The following SORCS2 variants were observed in gnomAD, a reference collection of about 807,000 sequenced individuals.
SORCS2 encodes the protein VPS10 domain-containing receptor SorCS2.
Under a neutral mutation model 141.6 loss-of-function variants are expected in SORCS2, and 100 were observed. The observed-to-expected ratio is 0.71, with a 90% confidence interval of 0.60 to 0.83. SORCS2 has a LOEUF of 0.83. SORCS2 is among the 40% of genes least tolerant of loss of function. The pLI is 0.00. For missense variants in SORCS2, 1,646 were observed against 1,560.2 expected (o/e 1.05, Z -0.93); for synonymous variants, 789 against 676.9 (o/e 1.17, Z -2.57).
chr4:7,501,838 T>C (rs1055360461), intron 2 of SORCS2, among the ~76,000 whole-genome samples: 1 of 152,226 alleles, frequency 6.6e-6, no homozygotes, highest in African/African-American at 2.4e-5. Flanking sequence ...GGATTAGTGA[T>C]TTTCTTAATT....
intron 1 of SORCS2, among the ~76,000 whole-genome samples, chr4:7,249,794 G>A (rs768459608): frequency 5.9e-5 from 9 of 152,100 alleles, no homozygotes; most frequent in Non-Finnish European, 1.0e-4. Flanking sequence ...CAGTATAGAC[G>A]ACAAGAAAAA....
intron 5 of SORCS2, among the ~76,000 whole-genome samples, chr4:7,660,578 G>C (rs183173288): frequency 6.6e-6 from 1 of 152,226 alleles, no homozygotes; most frequent in Non-Finnish European, 1.5e-5. Context: ...GTTGTGAGCA[G>C]GGCAGTGTGT....
At chr4:7,280,779 A>G (rs17755381) in intron 1 of SORCS2, among the ~76,000 whole-genome samples, 38,118 of 152,134 alleles carry the variant, frequency 0.25, 5,023 homozygotes, top group African/African-American at 0.28. Context: ...ACTGCATACG[A>G]TGATTGTAGC....
intron 2 of SORCS2, among the ~76,000 whole-genome samples, chr4:7,465,394 C>T (rs770236447): frequency 5.3e-5 from 8 of 152,124 alleles, no homozygotes; most frequent in Non-Finnish European, 1.0e-4. Flanking sequence ...ATCCAAGCTG[C>T]TGTGGGAGCT....
chr4:7,401,837 T>A (rs912883235), intron 2 of SORCS2, among the ~76,000 whole-genome samples: 3 of 150,970 alleles, frequency 2.0e-5, no homozygotes, highest in African/African-American at 7.3e-5. Flanking sequence ...TTCTCTAGAA[T>A]GACTTGGTTG....
intron 2 of SORCS2, among the ~76,000 whole-genome samples, chr4:7,519,186 T>G (rs1733171168): frequency 6.6e-6 from 1 of 152,196 alleles, no homozygotes; most frequent in South Asian, 2.1e-4. Flanking sequence ...GCTCTGCCTG[T>G]GCCGGGAGCA....
At chr4:7,583,947 A>G (rs1297102712) in intron 3 of SORCS2, among the ~76,000 whole-genome samples, 2 of 152,194 alleles carry the variant, frequency 1.3e-5, no homozygotes, top group African/African-American at 4.8e-5. Flanking sequence ...TACGTCTTAT[A>G]TGCAGCCTTT....
intron 3 of SORCS2, among the ~76,000 whole-genome samples, chr4:7,552,753 G>C (rs554765619): frequency 5.9e-5 from 9 of 152,046 alleles, no homozygotes; most frequent in Non-Finnish European, 1.2e-4. Context: ...CCACCTTCCT[G>C]CCTCTCCACT....
chr4:7,641,998 GATGGATGGATGGGTGGATGGAGATGA>G (rs1046335928), intron 4 of SORCS2, among the ~76,000 whole-genome samples: 1 of 151,822 alleles, frequency 6.6e-6, no homozygotes, highest in African/African-American at 2.4e-5. Context: ...TGAATGGGTA[GATGGATGGATGGGTGGATGGAGATGA>G]ATGGATGGAT....
chr4:7,373,477 T>TATATATA lies in SORCS2; in HGVS notation c.481-22809_481-22808insATATAAT, dbSNP rs1399174075. 2.2e-3 allele frequency among the ~76,000 whole-genome samples: 144 copies of TATATATA among 66,492 alleles called. 6 individuals carry two copies. Among genetic ancestry groups the TATATATA allele is most frequent in the African/African-American group, 0.012 (136 of 11,686 alleles). 43.6% of individuals were successfully genotyped at this position (66,492 alleles called of 152,430 possible). A position where few individuals can be genotyped will look rare whatever the true frequency, so the allele number is the denominator to read the frequency against. ...AAACTTTTATATATATATATATATA[T>TATATATA]ATTTTTTTTTTTTTTTTTTTTTTTT... On this transcript the variant is annotated intron_variant, in intron 1 of 26. Coordinates refer to ENST00000507866, the MANE Select transcript of SORCS2 (RefSeq NM_020777.3).
intron 1 of SORCS2, among the ~76,000 whole-genome samples, chr4:7,349,951 G>A (rs1001321252): frequency 1.3e-5 from 2 of 152,114 alleles, no homozygotes; most frequent in African/African-American, 4.8e-5. Context: ...TCCCACCACT[G>A]GACAATTTCA....
chr4:7,452,017 C>T (rs1728493167), intron 2 of SORCS2, among the ~76,000 whole-genome samples: 1 of 152,176 alleles, frequency 6.6e-6, no homozygotes, highest in South Asian at 2.1e-4. Context: ...TGCCTTCTCT[C>T]CCCAGCTGCC....
intron 1 of SORCS2, among the ~76,000 whole-genome samples, chr4:7,357,730 C>T (rs191057172): frequency 1.2e-4 from 18 of 152,238 alleles, no homozygotes; most frequent in African/African-American, 3.9e-4. Flanking sequence ...GCCTGCCATA[C>T]ACTCACCCAC....
intron 2 of SORCS2, among the ~76,000 whole-genome samples, chr4:7,409,933 A>C (rs1279633801): frequency 6.6e-6 from 1 of 152,136 alleles, no homozygotes; most frequent in East Asian, 1.9e-4. Context: ...CTGTCTTTTA[A>C]TGTATAGAAT....
chr4:7,518,687 G>A (rs28615329), intron 2 of SORCS2, among the ~76,000 whole-genome samples: 3 of 151,898 alleles, frequency 2.0e-5, no homozygotes, highest in East Asian at 1.9e-4. Flanking sequence ...GGAGGTGCTC[G>A]TGTGTCCTTC....
rs144992140 is a variant in SORCS2, at chr4:7,480,009, T to G, written c.549-51521T>G. On this transcript the variant is annotated intron_variant, in intron 2 of 26. Coordinates refer to ENST00000507866, the MANE Select transcript of SORCS2 (RefSeq NM_020777.3). Reference sequence around the variant, plus strand: ...CTGCTGGGAGAAGCTCAGGGTCTGCTTAGGCACCTGCCAGCCTCGCCATGT... The same window carrying G: ...CTGCTGGGAGAAGCTCAGGGTCTGCGTAGGCACCTGCCAGCCTCGCCATGT... 5.9e-3 allele frequency among the ~76,000 whole-genome samples: 893 copies of G among 152,370 alleles called. 15 individuals carry two copies. The highest frequency in any genetic ancestry group is 0.02 in the African/African-American group (833 of 41,588).
At chr4:7,386,097 GCA>G (rs761301152) in intron 1 of SORCS2, among the ~76,000 whole-genome samples, 2 of 151,686 alleles carry the variant, frequency 1.3e-5, no homozygotes, top group East Asian at 1.9e-4. Flanking sequence ...ATGCACACAT[GCA>G]CACACACATG....
At chr4:7,280,862 C>T (rs368964461) in intron 1 of SORCS2, among the ~76,000 whole-genome samples, 2 of 152,168 alleles carry the variant, frequency 1.3e-5, no homozygotes, top group East Asian at 3.8e-4. Flanking sequence ...TCAGTCAGCA[C>T]CTGGTACCCG....
At chr4:7,716,793 A>G (rs534760578) in intron 17 of SORCS2, among the ~76,000 whole-genome samples, 1 of 152,274 alleles carries the variant, frequency 6.6e-6, no homozygotes, top group Admixed American at 6.5e-5. Flanking sequence ...GACAACAGGG[A>G]CTCTTGTCTG....
Sources: gnomAD v4.1 joint callset for allele counts (sites outside exome capture counted in the v4.1 genomes callset) on GRCh38, gnomAD v4.1.1 for gene constraint, MANE v1.5 for transcripts, NCBI Gene and HGNC (gene_info 2026-07-23, HGNC 2026-07-21) for gene names.